ANAPC1: variants seen among roughly 807,000 people sequenced by gnomAD.
The protein encoded by ANAPC1 is anaphase promoting complex subunit 1, also known as anaphase-promoting complex subunit 1.
Under a neutral mutation model 208.0 loss-of-function variants are expected in ANAPC1, and 36 were observed. The observed-to-expected ratio is 0.17, with a 90% CI of 0.13 to 0.23. ANAPC1 has a LOEUF of 0.23. Ranked by LOEUF, ANAPC1 falls within the 10% of genes least tolerant of loss-of-function variation. ANAPC1 has a pLI of 1.00. For missense variants in ANAPC1, 942 were observed against 2,011.6 expected, an observed-to-expected ratio of 0.47 and a Z score of 10.17; for synonymous variants, 378 against 695.2, an observed-to-expected ratio of 0.54 and a Z score of 7.18.
chr2:111,826,902 G>A (rs1269407884), intron 21 of ANAPC1, among the ~76,000 whole-genome samples: 1 of 152,000 alleles, frequency 6.6e-6, no homozygotes, highest in Non-Finnish European at 1.5e-5. Context: ...CTCGTGATCC[G>A]CCCTCCTCGG....
At chr2:111,821,559 G>C in intron 25 of ANAPC1, 106 bp from the exon 26 acceptor site, 1 of 1,283,436 alleles carries the variant, frequency 7.8e-7, no homozygotes, top group Middle Eastern at 2.0e-4. Flanking sequence ...CTAGCACAGA[G>C]AAAATATGTT....
chr2:111,776,068 C>T (rs1037054002), intron 46 of ANAPC1, among the ~76,000 whole-genome samples: 6 of 148,530 alleles, frequency 4.0e-5, no homozygotes, highest in African/African-American at 1.2e-4. Flanking sequence ...TATATTCAAA[C>T]GCTTAGGGTC....
rs748156508 is a variant in ANAPC1, at chr2:111,769,260, C to G, written c.*31G>C. The G allele has an allele frequency of 3.8e-5, 61 of 1,611,640 alleles. No individual in the cohort carries two copies. Among genetic ancestry groups the G allele is most frequent in the Non-Finnish European group, 5.2e-5 (61 of 1,178,158 alleles). ...GGTCACGTTTGTTGTGCAGAAGTCACGTTTCAGGGTAGGTTCACCGCCAGA... is the reference window on the plus strand; with the variant it reads ...GGTCACGTTTGTTGTGCAGAAGTCAGGTTTCAGGGTAGGTTCACCGCCAGA... On this transcript the variant is annotated 3_prime_UTR_variant, in exon 48 of 48. Transcript: ENST00000341068.
At chr2:111,877,748 C>T (rs556354404) in intron 3 of ANAPC1, among the ~76,000 whole-genome samples, 1 of 152,276 alleles carries the variant, frequency 6.6e-6, no homozygotes, top group Admixed American at 6.5e-5. Context: ...CATGCCACTG[C>T]ACTCCAGCCT....
At chr2:111,779,600 TC>T (rs1355751652) in intron 44 of ANAPC1, 2 of 152,268 alleles carry the variant, frequency 1.3e-5, no homozygotes, top group African/African-American at 4.8e-5. Context: ...ACTTTGGGAG[TC>T]CAAGGTGGGA....
intron 38 of ANAPC1, among the ~76,000 whole-genome samples, chr2:111,791,044 A>G (rs991108991): frequency 4.6e-5 from 7 of 152,272 alleles, no homozygotes; most frequent in African/African-American, 1.7e-4. Context: ...TTAAAAATTG[A>G]TAAGTTTTAT....
Position 111,805,397 on chromosome 2 carries a change from AAC to A in ANAPC1, c.3924+403_3924+404del, listed in dbSNP as rs1160897075. Among the ~76,000 whole-genome samples the A allele has an allele frequency of 5.6e-4, 45 of 80,340 alleles. 5 individuals are homozygous for A. Among genetic ancestry groups the A allele is most frequent in the African/African-American group, 2.0e-3 (40 of 19,592 alleles). The allele number at this position is 80,340 out of a possible 152,430, so 52.7% of individuals were successfully genotyped here. A position where few individuals can be genotyped will look rare whatever the true frequency, so the allele number is the denominator to read the frequency against. On this transcript the variant is annotated intron_variant, in intron 30 of 47. Coordinates refer to ENST00000341068, the MANE Select transcript of ANAPC1 (RefSeq NM_022662.4). Reference sequence around the variant, plus strand: ...GGACAACATTCTGGGATACACAGTGAACATCACTACGGCAAAAGGGGGTTAGG... The same window carrying A: ...GGACAACATTCTGGGATACACAGTGAATCACTACGGCAAAAGGGGGTTAGG...
intron 13 of ANAPC1, among the ~76,000 whole-genome samples, chr2:111,851,906 C>T (rs1399230070): frequency 6.6e-6 from 1 of 151,810 alleles, no homozygotes; most frequent in Non-Finnish European, 1.5e-5. Flanking sequence ...CACATCTGTA[C>T]AAGCTGAAAA....
At position 111,843,538 on chromosome 2, in the gene ANAPC1, A is replaced by G. The variant is rs753917899; in HGVS notation, c.1914T>C (p.Leu638=). 6.2e-7 allele frequency: 1 copy of G among 1,611,980 alleles called. No homozygotes were observed. ...ILPKEIAVQM[L]VKWYNVHSAP... ...CACTGTGGACATTGTACCACTTGACAAGCATCTGAACTGCTATTTCTTTTG... is the reference window on the plus strand; with the variant it reads ...CACTGTGGACATTGTACCACTTGACGAGCATCTGAACTGCTATTTCTTTTG... The change falls in exon 17 of 48, where the codon CTT becomes CTC. Residue 638 remains leucine, a synonymous_variant. Coordinates refer to ENST00000341068, the MANE Select transcript of ANAPC1 (RefSeq NM_022662.4).
chr2:111,828,415 T>C (rs1679951665), intron 21 of ANAPC1, among the ~76,000 whole-genome samples: 2 of 152,184 alleles, frequency 1.3e-5, no homozygotes, highest in Non-Finnish European at 1.5e-5. Context: ...CTACCTACCA[T>C]ATGACCCAAC....
intron 34 of ANAPC1, among the ~76,000 whole-genome samples, chr2:111,797,171 AC>A (rs1333309562): frequency 6.9e-6 from 1 of 144,902 alleles, no homozygotes; most frequent in Non-Finnish European, 1.5e-5. Flanking sequence ...CGCAAAAAAG[AC>A]CACTCTCTGA....
intron 8 of ANAPC1, 37 bp downstream of exon 8, chr2:111,864,769 T>G (rs572463301): frequency 6.2e-7 from 1 of 1,608,966 alleles, no homozygotes; most frequent in East Asian, 2.2e-5. Flanking sequence ...AGCCTACCCT[T>G]TCCTATTAAG....
At chr2:111,860,694 C>A (rs2104553019) in intron 10 of ANAPC1, among the ~76,000 whole-genome samples, 1 of 152,048 alleles carries the variant, frequency 6.6e-6, no homozygotes, top group South Asian at 2.1e-4. Flanking sequence ...CATCTGACCT[C>A]TTTTGCTTTG....
At chr2:111,870,083 G>A (rs1369278011) in intron 6 of ANAPC1, among the ~76,000 whole-genome samples, 1 of 152,152 alleles carries the variant, frequency 6.6e-6, no homozygotes, top group Non-Finnish European at 1.5e-5. Context: ...GTATTCCATG[G>A]TGTATATATA....
At position 111,872,727 on chromosome 2, in the gene ANAPC1, G is replaced by A. The variant is rs774422609; in HGVS notation, c.529-15C>T. The A allele has an allele frequency of 7.6e-6, 12 of 1,584,958 alleles. No homozygotes were observed. In the East Asian group the frequency reaches 2.5e-4, roughly 33 times the overall value. On this transcript the variant is annotated splice_polypyrimidine_tract_variant and intron_variant, in intron 5 of 47. Coordinates refer to ENST00000341068, the MANE Select transcript of ANAPC1 (RefSeq NM_022662.4). ...ACATTTGCAACCTTTCAGGTAAAAG[G>A]GTGGGAAAAGATAGAAGTAAGAGAA...
At chr2:111,784,218 T>C in intron 41 of ANAPC1, 105 bp downstream of exon 41, 1 of 1,573,176 alleles carries the variant, frequency 6.4e-7, no homozygotes, top group Non-Finnish European at 8.7e-7. Context: ...TCTTATCTGC[T>C]ACAATACATG....
In ANAPC1 at chr2:111,772,353, T is replaced by C. The variant is rs138965586; in HGVS notation, c.5707A>G (p.Ile1903Val). Residue 1903 changes from isoleucine to valine, a missense_variant, in exon 47 of 48, where the codon ATA (isoleucine) becomes GTA (valine). Transcript: ENST00000341068. ...SVPAPQHLPP[I>V]GLEGSTSFAE... ...GATATGCAATTACCTTCTAGTCCTA[T>C]AGGTGGCAGGTGCTGTGGAGCTGGC... 22 of 1,612,924 alleles carry C rather than the reference T, an allele frequency of 1.4e-5. No homozygotes were observed. The African/African-American group carries it at 2.5e-4, about 19-fold the overall frequency.
intron 14 of ANAPC1, 127 bp downstream of exon 14, chr2:111,850,649 C>A (rs1348756068): frequency 1.6e-5 from 20 of 1,228,706 alleles, no homozygotes; most frequent in Non-Finnish European, 2.3e-5. Flanking sequence ...AACTGAATCA[C>A]TTCTGTTTGA....
rs550082247 is a variant in ANAPC1 at position 111,872,396 on chromosome 2, C to G, written c.611+234G>C. ...TTGAGAATCCAAAACCTGAAATGCT[C>G]CAATAAGCATTTCCTTTGAGTGTCA... is the stretch of plus-strand genomic sequence containing the variant. On this transcript the variant is annotated intron_variant, in intron 6 of 47. Coordinates refer to ENST00000341068, the MANE Select transcript of ANAPC1 (RefSeq NM_022662.4). Among the ~76,000 whole-genome samples, 17 of 152,220 alleles carry G rather than the reference C, an allele frequency of 1.1e-4. No individual in the cohort carries two copies. In the South Asian group the frequency reaches 2.3e-3, roughly 20 times the overall value.
Sources: allele counts gnomAD v4.1 joint callset (sites outside exome capture counted in the v4.1 genomes callset), GRCh38; gene constraint gnomAD v4.1.1; transcripts MANE v1.5; gene names NCBI Gene and HGNC (gene_info 2026-07-23, HGNC 2026-07-21).